The following RBSN variants were observed in gnomAD, a reference collection of about 807,000 sequenced individuals.
RBSN encodes the protein rabenosyn-5.
Under a neutral mutation model 60.5 loss-of-function variants are expected in RBSN, and 34 were observed. That is an observed-to-expected ratio of 0.56 (90% CI 0.43 to 0.75). The LOEUF (loss-of-function observed/expected upper bound fraction) is 0.75, where lower values mean the gene tolerates loss of function less well. Among genes scored for constraint, RBSN ranks in the 30% least tolerant of loss-of-function variants. RBSN has a pLI of 0.00. For synonymous variants in RBSN, 322 were observed against 366.9 expected (o/e 0.88, Z 1.40); for missense variants, 845 against 986.8 (o/e 0.86, Z 1.92).
In RBSN at chr3:15,084,472, C is replaced by G. The variant is rs767481042; in HGVS notation, c.598+263G>C. On this transcript the variant is annotated intron_variant, in intron 8 of 13. Transcript: ENST00000253699. This position sits in a 1 kb window ranked among gnomAD's most constrained non-coding sequence, Gnocchi z 4.2. ...AAGAAAGAAGAAATGTCACAGCAAC[C>G]ATATGTGGCCCACAAAGCCTAAATG... Among the ~76,000 whole-genome samples, 14 of 152,288 alleles carry G rather than the reference C, an allele frequency of 9.2e-5. No individual in the cohort carries two copies. The highest frequency in any genetic ancestry group is 1.7e-4 in the African/African-American group (7 of 41,556).
At position 15,084,852 on chromosome 3, in the gene RBSN, G is replaced by A. The variant is rs753412200; in HGVS notation, c.481C>T (p.Pro161Ser). The A allele has an allele frequency of 2.5e-6, 4 of 1,614,106 alleles. No homozygotes were observed. The highest frequency in any genetic ancestry group is 1.6e-4 in the Middle Eastern group (1 of 6,062). The stretch of plus-strand genomic sequence containing the variant: ...TTATTCCCACAGTCTGGACAGAAAG[G>A]GACATCCTGGTCGTTGACCCAAGGC... ...VVPWVNDQDV[P>S]FCPDCGNKFS... is the part of the protein sequence containing the mutation. Residue 161 changes from proline (P) to serine (S), a missense_variant, in exon 8 of 14, where the codon CCT becomes TCT. Transcript: ENST00000253699. This position sits in a 1 kb window ranked among gnomAD's most constrained non-coding sequence, Gnocchi z 4.2.
Position 15,074,825 on chromosome 3 carries a change from T to G in RBSN, c.1312A>C (p.Arg438=). Residue 438 remains arginine, a synonymous_variant, in exon 14 of 14, where the codon AGA becomes CGA. Coordinates refer to ENST00000253699, the MANE Select transcript of RBSN (RefSeq NM_022340.4). The surrounding 1 kb of genome is among the most constrained non-coding windows in gnomAD (Gnocchi z 6.4). ...AGTGGGAGCCAGCCCTCAGCCTTTC[T>G]CAAGGGGGCAGGGCCCCTGCGGAGA... ...ASLRRGPAPL[R]KAEGWLPLSG... is the part of the protein sequence containing the mutation. The G allele has an allele frequency of 6.2e-7, 1 of 1,614,200 alleles. No homozygotes were observed. Among genetic ancestry groups the G allele is most frequent in the Non-Finnish European group, 8.5e-7 (1 of 1,180,048 alleles).
intron 12 of RBSN, among the ~76,000 whole-genome samples, chr3:15,076,262 A>G (rs575761302): frequency 3.8e-4 from 58 of 152,270 alleles, no homozygotes; most frequent in African/African-American, 1.4e-3. Context: ...CTACTTCTCT[A>G]TACTACAGAG....
intron 5 of RBSN, among the ~76,000 whole-genome samples, chr3:15,089,305 A>C (rs974143639): frequency 6.6e-6 from 1 of 151,862 alleles, no homozygotes; most frequent in African/African-American, 2.4e-5. Context: ...TCTACAAAAA[A>C]TACAAAAATT....
intron 5 of RBSN, chr3:15,086,198 G>C (rs1426752252): frequency 2.2e-6 from 1 of 462,650 alleles, no homozygotes; most frequent in African/African-American, 1.9e-5. Context: ...AGGAGCTGGA[G>C]GCTTCAGTGA....
chr3:15,084,909 C>G lies in RBSN; in HGVS notation c.437-13G>C. The G allele has an allele frequency of 6.2e-7, 1 of 1,612,724 alleles. No homozygotes were observed. The highest frequency in any genetic ancestry group is 8.5e-7 in the Non-Finnish European group (1 of 1,179,206). ...GACTTTTCTATTGCTTTGGGAAGAG[C>G]AAACCAACAAGAAAGCAGGCCATTT... On this transcript the variant is annotated splice_polypyrimidine_tract_variant and intron_variant, in intron 7 of 13. Transcript: ENST00000253699. The surrounding 1 kb of genome is among the most constrained non-coding windows in gnomAD (Gnocchi z 4.2).
chr3:15,091,471 G>A, intron 4 of RBSN: 1 of 1,286,390 alleles, frequency 7.8e-7, no homozygotes, highest in Non-Finnish European at 1.0e-6. Context: ...CTTGCAAAAA[G>A]CTTCAAGAAA....
rs1260152739 is a variant in RBSN at position 15,073,439 on chromosome 3, T to C, written c.*343A>G. 8 of 249,434 alleles carry C rather than the reference T, an allele frequency of 3.2e-5. No homozygotes were observed. The East Asian group carries it at 8.0e-4, about 25-fold the overall frequency. The allele number at this position is 249,434 out of a possible 1,614,324, so 15.5% of individuals were successfully genotyped here. A position where few individuals can be genotyped will look rare whatever the true frequency, so the allele number is the denominator to read the frequency against. On this transcript the variant is annotated 3_prime_UTR_variant, in exon 14 of 14. Coordinates refer to ENST00000253699, the MANE Select transcript of RBSN (RefSeq NM_022340.4). ...GGACCCAAGAGGTACACAGCAGCCA[T>C]TTCTGCCCTGGGCCCAACAGAGCTG...
At position 15,071,089 on chromosome 3, in the gene RBSN, G is replaced by C. The variant is rs1445267575; in HGVS notation, c.*2693C>G. 6.6e-6 allele frequency: 1 copy of C among 152,204 alleles called. No individual in the cohort carries two copies. The highest frequency in any genetic ancestry group is 1.5e-5 in the Non-Finnish European group (1 of 68,042). The allele number at this position is 152,204 out of a possible 1,614,324, so 9.4% of individuals were successfully genotyped here. On this transcript the variant is annotated 3_prime_UTR_variant, in exon 14 of 14. Coordinates refer to ENST00000253699, the MANE Select transcript of RBSN (RefSeq NM_022340.4). Reference sequence around the variant, plus strand: ...TCCACCCGTCTCGGCCTCCCAAAGTGCTGGGATTACAGGAGTGAGCCACTG... The same window carrying C: ...TCCACCCGTCTCGGCCTCCCAAAGTCCTGGGATTACAGGAGTGAGCCACTG...
In RBSN at chr3:15,095,767, G is replaced by A. The variant is rs573061792; in HGVS notation, c.148+206C>T. ...CTCTCTGTGTCTGGTTCGAAATGTG[G>A]CTTACAGCCACACAGTTATTGTGAG... On this transcript the variant is annotated intron_variant, in intron 4 of 13. Coordinates refer to ENST00000253699, the MANE Select transcript of RBSN (RefSeq NM_022340.4). 8.5e-5 allele frequency: 55 copies of A among 646,002 alleles called. 2 individuals are homozygous for A. The South Asian group carries it at 1.0e-3, about 12-fold the overall frequency. The allele number at this position is 646,002 out of a possible 1,614,324, so 40.0% of individuals were successfully genotyped here.
In RBSN at chr3:15,071,205, G is replaced by C. The variant is rs1022849611; in HGVS notation, c.*2577C>G. The C allele has an allele frequency of 9.9e-5, 15 of 152,218 alleles. No individual in the cohort carries two copies. Among genetic ancestry groups the C allele is most frequent in the African/African-American group, 3.6e-4 (15 of 41,454 alleles). The allele number at this position is 152,218 out of a possible 1,614,324, so 9.4% of individuals were successfully genotyped here. A position where few individuals can be genotyped will look rare whatever the true frequency, so the allele number is the denominator to read the frequency against. On this transcript the variant is annotated 3_prime_UTR_variant, in exon 14 of 14. Coordinates refer to ENST00000253699, the MANE Select transcript of RBSN (RefSeq NM_022340.4). Reference sequence around the variant, plus strand: ...TTACTTACAGATTGCTACCTGAGGTGATTTGAGGGAAGGGTATGTTTAGTG... The same window carrying C: ...TTACTTACAGATTGCTACCTGAGGTCATTTGAGGGAAGGGTATGTTTAGTG...
intron 8 of RBSN, among the ~76,000 whole-genome samples, chr3:15,083,645 C>T (rs1048139699): frequency 6.6e-6 from 1 of 152,114 alleles, no homozygotes; most frequent in African/African-American, 2.4e-5. Flanking sequence ...TGCAATCCTA[C>T]TCATCTTTTA....
At position 15,074,359 on chromosome 3, in the gene RBSN, G is replaced by A. The variant is rs755993154; in HGVS notation, c.1778C>T (p.Ser593Leu). Residue 593 changes from serine to leucine, a missense_variant, in exon 14 of 14, where the codon TCA becomes TTA. Physicochemically the swap from Ser to Leu is moderately radical, Grantham distance 145 (BLOSUM62 -2). Coordinates refer to ENST00000253699, the MANE Select transcript of RBSN (RefSeq NM_022340.4). The surrounding 1 kb of genome is among the most constrained non-coding windows in gnomAD (Gnocchi z 6.4). Reference protein sequence around the residue: ...STAPKTPSLSSTQPTRVWSGP... With the variant: ...STAPKTPSLSLTQPTRVWSGP... The stretch of plus-strand genomic sequence containing the variant: ...AGACCACACTCTGGTGGGTTGAGTT[G>A]AGCTAAGTGAAGGGGTCTTGGGAGC... 6.2e-7 allele frequency: 1 copy of A among 1,614,128 alleles called. No homozygotes were observed. The highest frequency in any genetic ancestry group is 8.5e-7 in the Non-Finnish European group (1 of 1,180,016).
In RBSN at chr3:15,086,580, C is replaced by T. The variant is rs528317328; in HGVS notation, c.290-619G>A. On this transcript the variant is annotated intron_variant, in intron 5 of 13. Coordinates refer to ENST00000253699, the MANE Select transcript of RBSN (RefSeq NM_022340.4). ...GGTATCTACTTCACAGAGTTGTTAACGATGATTAAATAAGTTAAAATTTGT... is the reference window on the plus strand; with the variant it reads ...GGTATCTACTTCACAGAGTTGTTAATGATGATTAAATAAGTTAAAATTTGT... Among the ~76,000 whole-genome samples, 6 of 152,282 alleles carry T rather than the reference C, an allele frequency of 3.9e-5. No homozygotes were observed. In the South Asian group the frequency reaches 6.2e-4, roughly 16 times the overall value.
At chr3:15,091,364 T>G in intron 4 of RBSN, 1 of 1,113,214 alleles carries the variant, frequency 9.0e-7, no homozygotes, top group Non-Finnish European at 1.1e-6. Flanking sequence ...CAGCTAAACC[T>G]CCATCCGTGG....
chr3:15,075,798 G>A (rs1370783262), intron 12 of RBSN, 88 bp from the exon 13 acceptor site: 10 of 1,026,316 alleles, frequency 9.7e-6, no homozygotes, highest in African/African-American at 7.9e-5. Context: ...TGCTTAAGCT[G>A]AGCCACTCTG....
At chr3:15,081,290 A>C (rs1238757297) in intron 9 of RBSN, 1 of 154,370 alleles carries the variant, frequency 6.5e-6, no homozygotes, top group African/African-American at 2.4e-5. Flanking sequence ...GCCCGGCGAG[A>C]TGTTTTTGAG....
chr3:15,075,737 A>G (rs2043037374), intron 12 of RBSN, 27 bp from the exon 13 acceptor site: 1 of 1,581,976 alleles, frequency 6.3e-7, no homozygotes. Context: ...ACAATTTTAC[A>G]CTTAAACCCT....
chr3:15,088,566 G>A (rs1464907792), intron 5 of RBSN, among the ~76,000 whole-genome samples: 3 of 152,036 alleles, frequency 2.0e-5, no homozygotes, highest in Admixed American at 2.0e-4. Flanking sequence ...ATTTTTAGTA[G>A]AGACGGGGTT....
Sources: allele counts gnomAD v4.1 joint callset (sites outside exome capture counted in the v4.1 genomes callset), GRCh38; gene constraint gnomAD v4.1.1; non-coding constraint Gnocchi (gnomAD v3.1); transcripts MANE v1.5; gene names NCBI Gene and HGNC (gene_info 2026-07-23, HGNC 2026-07-21).